CRYBG3: variants seen among roughly 807,000 people sequenced by gnomAD.
CRYBG3 encodes the protein very large A-kinase anchor protein.
In CRYBG3, 127 loss-of-function variants were observed where a neutral mutation model predicts 244.2. The observed-to-expected ratio is 0.52, with a 90% confidence interval of 0.45 to 0.60. CRYBG3 has a LOEUF of 0.60. Among genes scored for constraint, CRYBG3 ranks in the 20% least tolerant of loss-of-function variants. The probability of loss-of-function intolerance (pLI) is 0.00; values close to 1 mark genes in which losing one functional copy is unlikely to be tolerated. For synonymous variants in CRYBG3, 1,132 were observed against 1,195.8 expected (o/e 0.95, Z 1.10); for missense variants, 3,325 against 3,442.5 (o/e 0.97, Z 0.85).
chr3:97,942,686 T>C, intron 21 of CRYBG3: 1 of 352,910 alleles, frequency 2.8e-6, no homozygotes, highest in Non-Finnish European at 5.1e-6. Flanking sequence ...CTACGTGAAC[T>C]CAGAACAGTT....
intron 2 of CRYBG3, among the ~76,000 whole-genome samples, chr3:97,855,252 G>C (rs1251692713): frequency 1.3e-5 from 2 of 151,936 alleles, no homozygotes; most frequent in Non-Finnish European, 2.9e-5. Context: ...TATTTTATTG[G>C]AGATTTTTGC....
At chr3:97,834,269 C>G (rs1031463186) in intron 1 of CRYBG3, among the ~76,000 whole-genome samples, 2 of 151,942 alleles carry the variant, frequency 1.3e-5, no homozygotes, top group African/African-American at 4.8e-5. Flanking sequence ...CAAGATGGAC[C>G]CTAGTACAGT....
At chr3:97,928,635 T>G (rs1241681643) in intron 17 of CRYBG3, among the ~76,000 whole-genome samples, 1 of 152,038 alleles carries the variant, frequency 6.6e-6, no homozygotes, top group Non-Finnish European at 1.5e-5. Flanking sequence ...TTAAAGTTTT[T>G]CAAATTTTAA....
In CRYBG3 at chr3:97,877,335, C is replaced by A; in HGVS notation, c.6141C>A (p.Asp2047Glu). Reference sequence around the variant, plus strand: ...GTGAAAGGTCTGAGAGTAGAACTGACCTTGTCCATCACTTTGAAAAAGGTA... The same window carrying A: ...GTGAAAGGTCTGAGAGTAGAACTGAACTTGTCCATCACTTTGAAAAAGGTA... ...LACERSESRT[D>E]LVHHFEKGTK... Residue 2047 changes from aspartate (D) to glutamate (E), a missense_variant, in exon 4 of 22, where the codon GAC (aspartate) becomes GAA (glutamate). Coordinates refer to ENST00000389622, the MANE Select transcript of CRYBG3 (RefSeq NM_153605.4). 4.3e-6 allele frequency: 7 copies of A among 1,614,068 alleles called. No individual in the cohort carries two copies. Among genetic ancestry groups the A allele is most frequent in the Non-Finnish European group, 5.9e-6 (7 of 1,179,976 alleles).
At chr3:97,869,349 C>A (rs1246179230) in intron 3 of CRYBG3, among the ~76,000 whole-genome samples, 2 of 152,046 alleles carry the variant, frequency 1.3e-5, no homozygotes, top group African/African-American at 4.8e-5. Context: ...TGAAGTATCA[C>A]TACATTATGA....
chr3:97,845,376 A>G (rs1203522508), intron 2 of CRYBG3, among the ~76,000 whole-genome samples: 1 of 152,216 alleles, frequency 6.6e-6, no homozygotes, highest in Non-Finnish European at 1.5e-5. Flanking sequence ...ACATCATTAA[A>G]TTTTTTATTC....
intron 7 of CRYBG3, among the ~76,000 whole-genome samples, chr3:97,884,188 C>A (rs934044337): frequency 6.6e-6 from 1 of 152,058 alleles, no homozygotes; most frequent in African/African-American, 2.4e-5. Flanking sequence ...TAGCGAATAA[C>A]CTCAGTAATC....
intron 7 of CRYBG3, among the ~76,000 whole-genome samples, chr3:97,885,011 C>A (rs2039491952): frequency 6.6e-6 from 1 of 151,990 alleles, no homozygotes; most frequent in Admixed American, 6.6e-5. Context: ...TAACTCAGAT[C>A]CCTGGGGGGA....
rs557510866 is a variant in CRYBG3, at chr3:97,908,457, A to G, written c.8005-3710A>G. ...TGTATTGGGTGCATATATATTTAGG[A>G]CAGTTAGCTCTTCTTGTTGAATTGA... On this transcript the variant is annotated intron_variant, in intron 15 of 21. Transcript: ENST00000389622. Among the ~76,000 whole-genome samples the G allele has an allele frequency of 2.0e-5, 3 of 152,286 alleles. No homozygotes were observed. In the South Asian group the frequency reaches 6.2e-4, roughly 32 times the overall value.
intron 2 of CRYBG3, among the ~76,000 whole-genome samples, chr3:97,847,215 G>A (rs950510788): frequency 4.6e-5 from 7 of 152,078 alleles, no homozygotes; most frequent in Non-Finnish European, 1.5e-5. Context: ...CAGTGTGAGG[G>A]TACAAACATC....
chr3:97,822,459 G>A, intron 1 of CRYBG3, 104 bp downstream of exon 1: 1 of 1,116,818 alleles, frequency 9.0e-7, no homozygotes, highest in Non-Finnish European at 1.2e-6. Flanking sequence ...CCAGGCTGCA[G>A]TTCGCTCGCC....
intron 2 of CRYBG3, among the ~76,000 whole-genome samples, chr3:97,849,786 G>A (rs143338835): frequency 2.8e-4 from 42 of 152,294 alleles, no homozygotes; most frequent in Admixed American, 1.4e-3. Flanking sequence ...GAACACGAGA[G>A]TGAGCGCCAG....
At chr3:97,855,739 C>A (rs1345498652) in intron 2 of CRYBG3, among the ~76,000 whole-genome samples, 1 of 152,042 alleles carries the variant, frequency 6.6e-6, no homozygotes, top group Non-Finnish European at 1.5e-5. Context: ...CTGTGATGCC[C>A]CACAGGCTGC....
chr3:97,882,971 TAA>T (rs906105479), intron 7 of CRYBG3, among the ~76,000 whole-genome samples: 1 of 152,144 alleles, frequency 6.6e-6, no homozygotes, highest in Admixed American at 6.6e-5. Context: ...TCAGGTTGCT[TAA>T]AGACTCGGGG....
intron 1 of CRYBG3, among the ~76,000 whole-genome samples, chr3:97,839,233 A>G (rs1282044712): frequency 1.3e-5 from 2 of 152,128 alleles, no homozygotes; most frequent in South Asian, 2.1e-4. Flanking sequence ...TGAGGTGAAC[A>G]TGGTTCTCTT....
intron 2 of CRYBG3, among the ~76,000 whole-genome samples, chr3:97,851,506 A>G (rs2038985361): frequency 6.6e-6 from 1 of 152,230 alleles, no homozygotes; most frequent in Non-Finnish European, 1.5e-5. Context: ...CCGTCCTGAA[A>G]AACTGGAATT....
intron 7 of CRYBG3, among the ~76,000 whole-genome samples, chr3:97,882,488 C>G (rs1406059787): frequency 6.6e-6 from 1 of 151,744 alleles, no homozygotes; most frequent in African/African-American, 2.4e-5. Flanking sequence ...AAGGGTCTTC[C>G]AATATAATAA....
At chr3:97,856,288 G>C (rs535733311) in intron 2 of CRYBG3, among the ~76,000 whole-genome samples, 1 of 152,248 alleles carries the variant, frequency 6.6e-6, no homozygotes, top group Middle Eastern at 3.4e-3. Flanking sequence ...AACAATTGCT[G>C]TTATCCTGTT....
At chr3:97,919,890 G>A (rs1292099557) in intron 17 of CRYBG3, among the ~76,000 whole-genome samples, 3 of 151,998 alleles carry the variant, frequency 2.0e-5, no homozygotes, top group South Asian at 2.1e-4. Flanking sequence ...CTCAGCCTCC[G>A]AAGTAGCTGG....
Sources: gnomAD v4.1 joint callset for allele counts (sites outside exome capture counted in the v4.1 genomes callset) on GRCh38, gnomAD v4.1.1 for gene constraint, MANE v1.5 for transcripts, NCBI Gene and HGNC (gene_info 2026-07-23, HGNC 2026-07-21) for gene names.